BRI3BP: variants seen among roughly 807,000 people sequenced by gnomAD.
BRI3BP encodes the protein BRI3 binding protein.
Under a neutral mutation model 15.8 loss-of-function variants are expected in BRI3BP, and 7 were observed. That is an observed-to-expected ratio of 0.44 (90% CI 0.25 to 0.83). The LOEUF (loss-of-function observed/expected upper bound fraction) is 0.83, where lower values mean the gene tolerates loss of function less well. Among genes scored for constraint, BRI3BP ranks in the 40% least tolerant of loss-of-function variants. BRI3BP has a pLI of 0.20. For missense variants in BRI3BP, 320 were observed against 339.3 expected (o/e 0.94, Z 0.45); for synonymous variants, 192 against 163.5 (o/e 1.17, Z -1.33).
At chr12:124,994,870 C>A (rs1434107568) in intron 1 of BRI3BP, among the ~76,000 whole-genome samples, 1 of 152,148 alleles carries the variant, frequency 6.6e-6, no homozygotes, top group African/African-American at 2.4e-5. Flanking sequence ...AGTTTGGGTT[C>A]AAGTTGGAGC....
intron 1 of BRI3BP, among the ~76,000 whole-genome samples, chr12:125,007,829 G>A (rs1297616619): frequency 6.6e-6 from 1 of 152,074 alleles, no homozygotes; most frequent in Non-Finnish European, 1.5e-5. Context: ...TTTTGTTGCT[G>A]TGGAATTGGA....
intron 1 of BRI3BP, among the ~76,000 whole-genome samples, chr12:125,008,480 T>G (rs1308443145): frequency 6.6e-6 from 1 of 151,754 alleles, no homozygotes; most frequent in Admixed American, 6.6e-5. Context: ...GCATGGCTAA[T>G]TTTTTGTATT....
At chr12:125,034,963 C>T (rs1955432995), downstream of BRI3BP, among the ~76,000 whole-genome samples, 1 of 152,172 alleles carries the variant, frequency 6.6e-6, no homozygotes, top group Non-Finnish European at 1.5e-5. Flanking sequence ...CCCCCAGCTT[C>T]TTTCACTTAA....
the BRI3BP span, among the ~76,000 whole-genome samples, chr12:125,048,666 A>G: frequency 2.6e-5 from 4 of 152,018 alleles, no homozygotes; most frequent in Non-Finnish European, 5.9e-5. Context: ...TAACCTGCAC[A>G]TTGTGCACAT....
At chr12:125,017,003 C>T (rs2880921) in intron 2 of BRI3BP, among the ~76,000 whole-genome samples, 43,629 of 149,200 alleles carry the variant, frequency 0.29, 6,688 homozygotes, top group South Asian at 0.44. Flanking sequence ...ATCTGGCTAA[C>T]GTTTGTATTA....
chr12:125,001,669 C>T (rs1361041373), intron 1 of BRI3BP, among the ~76,000 whole-genome samples: 1 of 152,342 alleles, frequency 6.6e-6, no homozygotes, highest in East Asian at 1.9e-4. Flanking sequence ...AGCCACTTCG[C>T]CTGGCCCAGT....
chr12:125,034,835 A>C (rs1955432131), downstream of BRI3BP, among the ~76,000 whole-genome samples: 1 of 151,804 alleles, frequency 6.6e-6, no homozygotes, highest in African/African-American at 2.4e-5. Flanking sequence ...TATTCTGCCC[A>C]CCTTGGCCTC....
At chr12:125,024,074 C>T (rs1374127162) in intron 2 of BRI3BP, among the ~76,000 whole-genome samples, 1 of 152,144 alleles carries the variant, frequency 6.6e-6, no homozygotes, top group Non-Finnish European at 1.5e-5. Context: ...AACCAAAAAA[C>T]CTGAGACTAG....
chr12:125,042,447 T>C, the BRI3BP span, among the ~76,000 whole-genome samples: 1 of 152,090 alleles, frequency 6.6e-6, no homozygotes, highest in African/African-American at 2.4e-5. Context: ...TTTTTGCCTC[T>C]AATTCTTTAG....
intron 1 of BRI3BP, among the ~76,000 whole-genome samples, chr12:125,005,732 C>T (rs4765202): frequency 0.037 from 5,583 of 151,314 alleles, 229 homozygotes; most frequent in Admixed American, 0.13. Flanking sequence ...GAGCCGAGAT[C>T]GCGCCACTGC....
At chr12:125,039,840 G>A in the BRI3BP span, among the ~76,000 whole-genome samples, 2 of 152,006 alleles carry the variant, frequency 1.3e-5, no homozygotes. Flanking sequence ...ATTCTCTCAT[G>A]AATGTACAAT....
chr12:125,047,365 G>T, the BRI3BP span, among the ~76,000 whole-genome samples: 1 of 152,010 alleles, frequency 6.6e-6, no homozygotes, highest in South Asian at 2.1e-4. Flanking sequence ...TAGTAATATG[G>T]GGTTTCACCA....
At position 125,029,352 on chromosome 12, in the gene BRI3BP, A is replaced by C. The variant is rs895252374; in HGVS notation, c.*3922A>C. The C allele has an allele frequency of 3.1e-5, 2 of 63,826 alleles. No individual in the cohort carries two copies. The highest frequency in any genetic ancestry group is 5.8e-5 in the Non-Finnish European group (2 of 34,262). 4.0% of individuals were successfully genotyped at this position (63,826 alleles called of 1,614,324 possible). On this transcript the variant is annotated 3_prime_UTR_variant, in exon 3 of 3. Coordinates refer to ENST00000341446, the MANE Select transcript of BRI3BP (RefSeq NM_080626.6). The stretch of plus-strand genomic sequence containing the variant: ...AACATAGTGAAATCCCGTCTCTACC[A>C]AAAAATACAAAAAAAAAAAAAAAAA...
intron 2 of BRI3BP, among the ~76,000 whole-genome samples, chr12:125,022,541 A>ATTTATTTATTTTTTTTTTTTT: frequency 3.7e-4 from 51 of 139,430 alleles, no homozygotes; most frequent in African/African-American, 1.3e-3. Context: ...TTATTTATTT[A>ATTTATTTATTTTTTTTTTTTT]TTTTTTGAGA....
At chr12:125,048,455 G>A in the BRI3BP span, among the ~76,000 whole-genome samples, 3 of 151,876 alleles carry the variant, frequency 2.0e-5, no homozygotes, top group Non-Finnish European at 4.4e-5. Flanking sequence ...TAAGAAATTC[G>A]GTTTGCAAAC....
chr12:125,023,370 A>G (rs1488514805), intron 2 of BRI3BP, among the ~76,000 whole-genome samples: 1 of 152,152 alleles, frequency 6.6e-6, no homozygotes, highest in Non-Finnish European at 1.5e-5. Flanking sequence ...TAAAGGACAC[A>G]TTCCTGCTAC....
the BRI3BP span, among the ~76,000 whole-genome samples, chr12:125,041,875 G>A: frequency 6.6e-6 from 1 of 152,244 alleles, no homozygotes; most frequent in African/African-American, 2.4e-5. Context: ...TAACTTTTTT[G>A]TAGAGATGGG....
chr12:125,006,786 C>G (rs1391439382), intron 1 of BRI3BP, among the ~76,000 whole-genome samples: 1 of 152,242 alleles, frequency 6.6e-6, no homozygotes, highest in Non-Finnish European at 1.5e-5. Flanking sequence ...AAGTCTCTTC[C>G]TCCCAGAATA....
intron 1 of BRI3BP, among the ~76,000 whole-genome samples, chr12:124,997,751 G>C (rs990781785): frequency 6.6e-6 from 1 of 152,116 alleles, no homozygotes; most frequent in Non-Finnish European, 1.5e-5. Flanking sequence ...CACTTAGGGA[G>C]GCCAAGGTGG....
Sources: gnomAD v4.1 joint callset for allele counts (sites outside exome capture counted in the v4.1 genomes callset) on GRCh38, gnomAD v4.1.1 for gene constraint, MANE v1.5 for transcripts, NCBI Gene and HGNC (gene_info 2026-07-23, HGNC 2026-07-21) for gene names.